The following CARD8 variants were observed in gnomAD, a reference collection of about 807,000 sequenced individuals.
CARD8 encodes caspase recruitment domain-containing protein 8.
Under a neutral mutation model 53.2 loss-of-function variants are expected in CARD8, and 38 were observed. That is an observed-to-expected ratio of 0.71 (90% CI 0.55 to 0.94). CARD8 has a LOEUF of 0.94. Ranked by LOEUF, CARD8 falls within the 40% of genes least tolerant of loss-of-function variation. CARD8 has a pLI of 0.00. For synonymous variants in CARD8, 245 were observed against 244.9 expected, an observed-to-expected ratio of 1.00 and a Z score of 0.00; for missense variants, 561 against 655.5, an observed-to-expected ratio of 0.86 and a Z score of 1.57.
At chr19:48,243,235 G>A (rs563529591) in intron 3 of CARD8, among the ~76,000 whole-genome samples, 18 of 151,960 alleles carry the variant, frequency 1.2e-4, no homozygotes, top group Admixed American at 7.9e-4. Flanking sequence ...GGATGGTCTC[G>A]ATCTCCTGAC....
intron 1 of CARD8, among the ~76,000 whole-genome samples, chr19:48,252,808 T>TATATACAA (rs113740488): frequency 6.7e-6 from 1 of 148,182 alleles, no homozygotes; most frequent in African/African-American, 2.5e-5. Context: ...TATCAGTATA[T>TATATACAA]ACACACACAC....
intron 1 of CARD8, among the ~76,000 whole-genome samples, chr19:48,250,994 G>C (rs1473687408): frequency 1.3e-5 from 2 of 152,160 alleles, no homozygotes; most frequent in Admixed American, 1.3e-4. Flanking sequence ...ACTAATTGAA[G>C]AACTCAAACA....
At chr19:48,248,982 G>A (rs990529553) in intron 3 of CARD8, among the ~76,000 whole-genome samples, 2 of 152,240 alleles carry the variant, frequency 1.3e-5, no homozygotes, top group Non-Finnish European at 2.9e-5. Context: ...CGGATCACCT[G>A]AGATCAGGAG....
At chr19:48,233,147 G>C (rs999303780) in intron 6 of CARD8, 2 of 354,762 alleles carry the variant, frequency 5.6e-6, no homozygotes, top group Admixed American at 3.9e-5. Flanking sequence ...TGGCACCAAA[G>C]CATCGGCGCT....
chr19:48,242,213 G>A (rs528464882), intron 3 of CARD8, among the ~76,000 whole-genome samples: 2 of 152,220 alleles, frequency 1.3e-5, no homozygotes, highest in South Asian at 4.1e-4. Context: ...CTCATGAATG[G>A]TCTCAACGCC....
In CARD8 at chr19:48,240,976, T is replaced by C; in HGVS notation, c.45A>G (p.Glu15=). 3 of 1,534,920 alleles carry C rather than the reference T, an allele frequency of 2.0e-6. No homozygotes were observed. The highest frequency in any genetic ancestry group is 2.6e-6 in the Non-Finnish European group (3 of 1,145,792). The change falls in exon 4 of 14, where the codon GAA becomes GAG. Residue 15 remains glutamate, a synonymous_variant. Transcript: ENST00000651546. The stretch of plus-strand genomic sequence containing the variant: ...AAGTCACTCACCGTCTCGGCAGCTC[T>C]TCCTCACTGCTGCTACTCTTTTCTG... ...ECPEKSSSSE[E]ELPRRDSGSS...
chr19:48,234,212 C>T (rs990964309), intron 6 of CARD8, 191 bp downstream of exon 6: 6 of 571,044 alleles, frequency 1.1e-5, no homozygotes, highest in Non-Finnish European at 1.8e-5. Context: ...TCTCTAGACA[C>T]CTCCATGGAA....
intron 1 of CARD8, among the ~76,000 whole-genome samples, chr19:48,250,332 A>T (rs1600746819): frequency 6.6e-6 from 1 of 152,358 alleles, no homozygotes; most frequent in East Asian, 1.9e-4. Flanking sequence ...CTGAGGTTGG[A>T]CAGGCAGTTG....
intron 3 of CARD8, among the ~76,000 whole-genome samples, chr19:48,246,450 T>A (rs1315235225): frequency 6.6e-6 from 1 of 152,190 alleles, no homozygotes; most frequent in Non-Finnish European, 1.5e-5. Context: ...TACTAAGATA[T>A]CTTTGTCCTA....
intron 5 of CARD8, among the ~76,000 whole-genome samples, chr19:48,236,119 A>G (rs11881455): frequency 0.04 from 6,083 of 152,306 alleles, 391 homozygotes; most frequent in African/African-American, 0.13. Flanking sequence ...TGAGAACTCT[A>G]TTGGACAGCA....
chr19:48,247,367 T>C (rs1389190813), intron 3 of CARD8, among the ~76,000 whole-genome samples: 1 of 152,068 alleles, frequency 6.6e-6, no homozygotes, highest in African/African-American at 2.4e-5. Flanking sequence ...TTGAAACAAC[T>C]GAAATGTTTT....
In CARD8 at chr19:48,230,863, A is replaced by G. The variant is rs1471542302; in HGVS notation, c.686T>C (p.Leu229Pro). The change falls in exon 9 of 14, where the codon CTG becomes CCG. Residue 229 changes from leucine (L) to proline (P), a missense_variant. Physicochemically the swap from Leu to Pro is moderately conservative, Grantham distance 98 (BLOSUM62 -3). Transcript: ENST00000651546. ...ALDLQHHEQW[L>P]VGGPLFDVTA... ...GACATCAAACAAGGGGCCGCCCACC[A>G]GCCACTGTTCATGGTGCTGCAGGTC... 6.2e-7 allele frequency: 1 copy of G among 1,614,044 alleles called. No homozygotes were observed. Among genetic ancestry groups the G allele is most frequent in the Non-Finnish European group, 8.5e-7 (1 of 1,180,040 alleles).
downstream of CARD8, among the ~76,000 whole-genome samples, chr19:48,205,101 C>T (rs1419171384): frequency 6.6e-6 from 1 of 152,136 alleles, no homozygotes; most frequent in African/African-American, 2.4e-5. Flanking sequence ...GTAGGAGGAG[C>T]TGGGGATAGT....
intron 11 of CARD8, among the ~76,000 whole-genome samples, chr19:48,221,008 A>AAGCAAAAG (rs1555806505): frequency 6.9e-4 from 84 of 122,094 alleles, no homozygotes; most frequent in African/African-American, 2.8e-3. Context: ...GAAAGAAAGA[A>AAGCAAAAG]AAAGAAAGAA....
downstream of CARD8, among the ~76,000 whole-genome samples, chr19:48,207,734 G>GTTTTTTTTTTTTTTGTTTTT (rs1599964939): frequency 8.6e-6 from 1 of 116,550 alleles, no homozygotes; most frequent in African/African-American, 3.7e-5. Context: ...TTGTTTTTCT[G>GTTTTTTTTTTTTTTGTTTTT]TTTTTTTTTT....
chr19:48,206,286 T>C (rs923678643), downstream of CARD8: 10 of 355,254 alleles, frequency 2.8e-5, no homozygotes, highest in Non-Finnish European at 4.0e-5. Context: ...GGAAGTTGTA[T>C]AGTTGCATTT....
intron 13 of CARD8, among the ~76,000 whole-genome samples, chr19:48,214,285 T>C (rs1157616905): frequency 2.0e-5 from 3 of 152,124 alleles, no homozygotes; most frequent in African/African-American, 7.2e-5. Flanking sequence ...CAGGCAACCA[T>C]CAGGTGATGG....
rs3786737 is a variant in CARD8 at position 48,212,451 on chromosome 19, G to C, written c.1349-476C>G. Among the ~76,000 whole-genome samples, 15 of 152,330 alleles carry C rather than the reference G, an allele frequency of 9.8e-5. 1 individual carries two copies. The East Asian group carries it at 2.9e-3, about 29-fold the overall frequency. On this transcript the variant is annotated intron_variant, in intron 13 of 13. Transcript: ENST00000651546. The stretch of plus-strand genomic sequence containing the variant: ...TTTAACTGGAGACATACAATGCATA[G>C]AAAAGGAAGAACAGGGGAAAAGATA...
Position 48,215,325 on chromosome 19 carries a change from A to G in CARD8, c.1348+15T>C. On this transcript the variant is annotated intron_variant, in intron 13 of 13. Coordinates refer to ENST00000651546, the MANE Select transcript of CARD8 (RefSeq NM_001184900.3). ...TCATACATACCCTTGGCTTTAATGT[A>G]AACATTTCACTTACCTGAGAAAGGA... 1 of 1,600,588 alleles carries G rather than the reference A, an allele frequency of 6.2e-7. No homozygotes were observed. The highest frequency in any genetic ancestry group is 1.1e-5 in the South Asian group (1 of 90,780).
Sources: allele counts gnomAD v4.1 joint callset (sites outside exome capture counted in the v4.1 genomes callset), GRCh38; gene constraint gnomAD v4.1.1; transcripts MANE v1.5; gene names NCBI Gene and HGNC (gene_info 2026-07-23, HGNC 2026-07-21).